PCDH7: variants seen among roughly 807,000 people sequenced by gnomAD.
PCDH7 encodes protocadherin-7.
PCDH7 carries 17 observed loss-of-function variants against 58.9 expected under a neutral mutation model. That is an observed-to-expected ratio of 0.29 (90% confidence interval 0.20 to 0.43). The LOEUF (loss-of-function observed/expected upper bound fraction) is 0.43, where lower values mean the gene tolerates loss of function less well. PCDH7 is among the 20% of genes least tolerant of loss of function. PCDH7 has a pLI of 1.00. For synonymous variants in PCDH7, 664 were observed against 616.4 expected (o/e 1.08, Z -1.14); for missense variants, 1,274 against 1,441.0 (o/e 0.88, Z 1.88).
At chr4:30,972,791 C>G (rs1480691448) in intron 3 of PCDH7, among the ~76,000 whole-genome samples, 2 of 152,050 alleles carry the variant, frequency 1.3e-5, no homozygotes, top group East Asian at 3.9e-4. Flanking sequence ...TCAACTGTAC[C>G]CCACCCCACT....
intron 1 of PCDH7, among the ~76,000 whole-genome samples, chr4:30,811,766 G>T (rs970588296): frequency 1.2e-4 from 18 of 152,182 alleles, no homozygotes; most frequent in African/African-American, 4.1e-4. Context: ...GTCCCATCAA[G>T]GCAAAAGAGC....
chr4:30,941,540 G>A (rs949630591), intron 2 of PCDH7, among the ~76,000 whole-genome samples: 2 of 151,940 alleles, frequency 1.3e-5, no homozygotes, highest in African/African-American at 4.8e-5. Flanking sequence ...TACAGTAGTT[G>A]ATAGTAAGAG....
chr4:30,775,833 G>T lies in PCDH7; in HGVS notation c.70+51237G>T, dbSNP rs189201448. ...AATCGCTTGAACCCAGGAGACAGAG[G>T]TTGCAGTGAGCCAAGATTGCACCAC... is the stretch of plus-strand genomic sequence containing the variant. On this transcript the variant is annotated intron_variant, in intron 1 of 3. Coordinates refer to the PCDH7 transcript ENST00000509759. Among the ~76,000 whole-genome samples the T allele has an allele frequency of 6.2e-3, 937 of 152,182 alleles. 10 individuals are homozygous for T. Among genetic ancestry groups the T allele is most frequent in the Non-Finnish European group, 0.01 (705 of 68,018 alleles).
At chr4:30,809,517 A>G (rs985549007) in intron 1 of PCDH7, among the ~76,000 whole-genome samples, 1 of 152,212 alleles carries the variant, frequency 6.6e-6, no homozygotes, top group Admixed American at 6.5e-5. Context: ...GAACTTGAAA[A>G]TATTTTGTGG....
At chr4:30,749,974 G>A (rs6855570) in intron 1 of PCDH7, among the ~76,000 whole-genome samples, 83,038 of 151,996 alleles carry the variant, frequency 0.55, 23,404 homozygotes, top group African/African-American at 0.68. Context: ...AGCTTAAATG[G>A]GAGTAAATAA....
At chr4:31,002,419 T>A (rs1297103672) in intron 3 of PCDH7, among the ~76,000 whole-genome samples, 1 of 152,248 alleles carries the variant, frequency 6.6e-6, no homozygotes, top group Non-Finnish European at 1.5e-5. Context: ...GTATATTTAA[T>A]GTAGACCAGT....
At chr4:30,772,722 T>C (rs1265293586) in intron 1 of PCDH7, among the ~76,000 whole-genome samples, 1 of 152,222 alleles carries the variant, frequency 6.6e-6, no homozygotes, top group African/African-American at 2.4e-5. Flanking sequence ...GTGGTAATGA[T>C]AAATAAACAC....
At chr4:31,046,221 C>A (rs1012345155) in intron 3 of PCDH7, among the ~76,000 whole-genome samples, 1 of 151,900 alleles carries the variant, frequency 6.6e-6, no homozygotes, top group African/African-American at 2.4e-5. Context: ...CCCCACTTAA[C>A]CATAATTTTT....
chr4:30,928,888 A>G (rs1030624022), intron 2 of PCDH7, among the ~76,000 whole-genome samples: 1 of 152,162 alleles, frequency 6.6e-6, no homozygotes, highest in Middle Eastern at 3.4e-3. Flanking sequence ...TTACCTTTTT[A>G]TGTCTTCTTT....
At chr4:30,724,336 T>C in exon 1 of PCDH7, 1 of 1,614,084 alleles carries the variant, frequency 6.2e-7, no homozygotes, top group Non-Finnish European at 8.5e-7. Context: ...TGAGAAGCTG[T>C]CAGACAGCCC....
rs547083330 is a variant in PCDH7, at chr4:30,993,876, G to C, written c.*7+43661G>C. ...ATGCCCACTAAATGTTTAGAAGAGA[G>C]AGTGTGTCTGTGTGGGTATAAATTC... On this transcript the variant is annotated intron_variant, in intron 3 of 3. Transcript: ENST00000509759. 3.3e-5 allele frequency among the ~76,000 whole-genome samples: 5 copies of C among 152,214 alleles called. No individual in the cohort carries two copies. In the South Asian group the frequency reaches 8.3e-4, roughly 25 times the overall value.
intron 3 of PCDH7, among the ~76,000 whole-genome samples, chr4:31,122,880 T>G (rs2109325930): frequency 6.6e-6 from 1 of 152,114 alleles, no homozygotes; most frequent in East Asian, 1.9e-4. Context: ...TTTATAACCT[T>G]TATTATTATA....
chr4:30,961,571 CA>C (rs754307077), intron 3 of PCDH7, among the ~76,000 whole-genome samples: 1 of 149,028 alleles, frequency 6.7e-6, no homozygotes, highest in Non-Finnish European at 1.5e-5. Context: ...AAACAAAAAA[CA>C]AAAAAAAACC....
chr4:30,988,830 G>T (rs1751211415), intron 3 of PCDH7, among the ~76,000 whole-genome samples: 1 of 152,136 alleles, frequency 6.6e-6, no homozygotes, highest in Non-Finnish European at 1.5e-5. Flanking sequence ...TTTCTTTGCA[G>T]GCCCTGTGCA....
intron 3 of PCDH7, among the ~76,000 whole-genome samples, chr4:31,115,913 C>T (rs1177664790): frequency 4.6e-5 from 7 of 152,116 alleles, no homozygotes; most frequent in African/African-American, 1.7e-4. Context: ...ATCCAGAGGC[C>T]TTAAGTTTGG....
chr4:30,942,883 T>G (rs1178302885), intron 2 of PCDH7, among the ~76,000 whole-genome samples: 2 of 139,236 alleles, frequency 1.4e-5, no homozygotes, highest in East Asian at 4.1e-4. Flanking sequence ...GTTAAATTTC[T>G]GTCTTGAGTA....
At chr4:31,034,560 A>G (rs1306050727) in intron 3 of PCDH7, among the ~76,000 whole-genome samples, 1 of 152,218 alleles carries the variant, frequency 6.6e-6, no homozygotes, top group East Asian at 1.9e-4. Flanking sequence ...AAAATTTCAG[A>G]TAAACATCAG....
intron 1 of PCDH7, among the ~76,000 whole-genome samples, chr4:30,876,776 T>C (rs538196315): frequency 3.4e-4 from 51 of 152,160 alleles, no homozygotes; most frequent in African/African-American, 1.1e-3. Flanking sequence ...CTGGAATACA[T>C]ATGCAGAATG....
chr4:31,005,428 AT>A (rs1390629628), intron 3 of PCDH7, among the ~76,000 whole-genome samples: 2 of 149,952 alleles, frequency 1.3e-5, no homozygotes, highest in Non-Finnish European at 3.0e-5. Context: ...CTATTGTGTC[AT>A]CAACCCTTCT....
Sources: gnomAD v4.1 joint callset for allele counts (sites outside exome capture counted in the v4.1 genomes callset) on GRCh38, gnomAD v4.1.1 for gene constraint, MANE v1.5 for transcripts, NCBI Gene and HGNC (gene_info 2026-07-23, HGNC 2026-07-21) for gene names.